OTUD7A: variants seen among roughly 807,000 people sequenced by gnomAD.
OTUD7A encodes OTU deubiquitinase 7A, also known as OTU domain-containing protein 7A.
A neutral mutation model predicts 65.7 loss-of-function variants in OTUD7A; 12 were observed. The observed-to-expected ratio is 0.18, with a 90% CI of 0.12 to 0.30. The LOEUF (loss-of-function observed/expected upper bound fraction) is 0.30. Ranked by LOEUF, OTUD7A falls within the 10% of genes least tolerant of loss-of-function variation. The pLI is 1.00. For synonymous variants in OTUD7A, 641 were observed against 586.3 expected, an observed-to-expected ratio of 1.09 and a Z score of -1.35; for missense variants, 1,148 against 1,304.8, an observed-to-expected ratio of 0.88 and a Z score of 1.85.
intron 5 of OTUD7A, among the ~76,000 whole-genome samples, chr15:31,540,799 A>T (rs1887964693): frequency 1.3e-5 from 2 of 152,302 alleles, no homozygotes; most frequent in African/African-American, 4.8e-5. Context: ...TATACACCAA[A>T]GTCCTTTTTA....
chr15:31,532,155 C>T (rs911808663), intron 5 of OTUD7A, among the ~76,000 whole-genome samples: 1 of 152,048 alleles, frequency 6.6e-6, no homozygotes. Flanking sequence ...TACCAAGAAC[C>T]AGGAAGATTT....
intron 1 of OTUD7A, among the ~76,000 whole-genome samples, chr15:31,693,177 G>A (rs1406447854): frequency 6.6e-6 from 1 of 152,210 alleles, no homozygotes; most frequent in East Asian, 1.9e-4. Flanking sequence ...GCATGTCCAG[G>A]AAAAATTTTC....
chr15:31,729,636 T>G (rs1192381037), intron 1 of OTUD7A, among the ~76,000 whole-genome samples: 1 of 152,214 alleles, frequency 6.6e-6, no homozygotes, highest in Non-Finnish European at 1.5e-5. Flanking sequence ...ATTTTCATTT[T>G]CACTTTTAGA....
At chr15:31,516,029 A>G (rs895449653) in intron 8 of OTUD7A, among the ~76,000 whole-genome samples, 8 of 152,182 alleles carry the variant, frequency 5.3e-5, no homozygotes, top group Admixed American at 4.6e-4. Flanking sequence ...TATCTGCCCA[A>G]GCACCTACTT....
chr15:31,678,827 G>T (rs1374551450), intron 1 of OTUD7A, among the ~76,000 whole-genome samples: 1 of 152,230 alleles, frequency 6.6e-6, no homozygotes, highest in African/African-American at 2.4e-5. Context: ...CCCCACTGAG[G>T]CACTGCTTAG....
chr15:31,579,518 A>AG (rs201348731), intron 3 of OTUD7A, among the ~76,000 whole-genome samples: 1,809 of 152,336 alleles, frequency 0.012, 19 homozygotes, highest in Non-Finnish European at 0.019. Flanking sequence ...CACTGGACAA[A>AG]GGGATGATTC....
At chr15:31,488,768 A>T (rs1459687794) in intron 10 of OTUD7A, among the ~76,000 whole-genome samples, 1 of 152,244 alleles carries the variant, frequency 6.6e-6, no homozygotes, top group Non-Finnish European at 1.5e-5. Context: ...GCTGCCCTCC[A>T]GTGTTGCTTA....
intron 1 of OTUD7A, among the ~76,000 whole-genome samples, chr15:31,854,472 C>T (rs757681301): frequency 6.6e-5 from 10 of 152,202 alleles, no homozygotes; most frequent in Non-Finnish European, 1.3e-4. Flanking sequence ...TCTTCTTTTA[C>T]AGCTTCTGAA....
chr15:31,741,811 G>A (rs1208229440), intron 1 of OTUD7A, among the ~76,000 whole-genome samples: 1 of 151,832 alleles, frequency 6.6e-6, no homozygotes, highest in African/African-American at 2.4e-5. Flanking sequence ...AAAATTAGAA[G>A]AAAGACAATG....
chr15:31,746,394 T>C (rs1328025650), intron 1 of OTUD7A, among the ~76,000 whole-genome samples: 1 of 152,092 alleles, frequency 6.6e-6, no homozygotes, highest in African/African-American at 2.4e-5. Context: ...TACAATAGAA[T>C]ACTTACTATT....
chr15:31,602,638 C>T (rs975356708), intron 3 of OTUD7A, among the ~76,000 whole-genome samples: 2 of 152,054 alleles, frequency 1.3e-5, no homozygotes, highest in African/African-American at 4.8e-5. Context: ...AAAGGGTATT[C>T]AAATAGGAAA....
intron 1 of OTUD7A, among the ~76,000 whole-genome samples, chr15:31,792,224 G>C (rs1302423068): frequency 6.6e-6 from 1 of 152,078 alleles, no homozygotes; most frequent in Admixed American, 6.6e-5. Context: ...AAAACCTCTT[G>C]TCTGGCTGCC....
intron 1 of OTUD7A, among the ~76,000 whole-genome samples, chr15:31,842,871 C>T (rs984794665): frequency 2.0e-5 from 3 of 152,108 alleles, no homozygotes; most frequent in Admixed American, 6.6e-5. Flanking sequence ...ATATTTGCTA[C>T]CTGCTCCAAA....
chr15:31,628,712 T>C (rs1010416198), intron 3 of OTUD7A, among the ~76,000 whole-genome samples: 244 of 152,302 alleles, frequency 1.6e-3, no homozygotes, highest in Middle Eastern at 6.8e-3. Flanking sequence ...ATATTGATTC[T>C]TCCTACCCAT....
In OTUD7A at chr15:31,511,123, G is replaced by A. The variant is rs1186632133; in HGVS notation, c.894-7305C>T. ...GTATATCTATATGTAACATACATAT[G>A]TATATCTATATGTAACATACATATG... On this transcript the variant is annotated intron_variant, in intron 8 of 12. Transcript: ENST00000307050. Among the ~76,000 whole-genome samples, 57 of 28,776 alleles carry A rather than the reference G, an allele frequency of 2.0e-3. 13 individuals are homozygous for A. The highest frequency in any genetic ancestry group is 2.9e-3 in the Non-Finnish European group (50 of 17,344). 18.9% of individuals were successfully genotyped at this position (28,776 alleles called of 152,430 possible).
chr15:31,648,184 G>A (rs185617326), intron 3 of OTUD7A, among the ~76,000 whole-genome samples: 5 of 152,206 alleles, frequency 3.3e-5, no homozygotes, highest in East Asian at 1.9e-4. Context: ...GGGGCCTGCC[G>A]GGCACCTGCC....
At chr15:31,854,708 A>C (rs1181316075) in intron 1 of OTUD7A, among the ~76,000 whole-genome samples, 1 of 152,142 alleles carries the variant, frequency 6.6e-6, no homozygotes, top group Non-Finnish European at 1.5e-5. Flanking sequence ...TTCATTTTTC[A>C]GTTCCAATTT....
intron 1 of OTUD7A, among the ~76,000 whole-genome samples, chr15:31,688,088 C>T (rs1200555144): frequency 2.6e-5 from 4 of 151,878 alleles, no homozygotes; most frequent in African/African-American, 4.8e-5. Context: ...TGGTGACGGG[C>T]GCCTGTAGTC....
intron 1 of OTUD7A, among the ~76,000 whole-genome samples, chr15:31,759,942 C>T (rs1255604647): frequency 6.6e-6 from 1 of 152,212 alleles, no homozygotes; most frequent in Non-Finnish European, 1.5e-5. Context: ...TCTTAGAACT[C>T]TGATGACTAG....
Sources: gnomAD v4.1 joint callset for allele counts (sites outside exome capture counted in the v4.1 genomes callset) on GRCh38, gnomAD v4.1.1 for gene constraint, MANE v1.5 for transcripts, NCBI Gene and HGNC (gene_info 2026-07-23, HGNC 2026-07-21) for gene names.